FZR1: variants seen among roughly 807,000 people sequenced by gnomAD.
FZR1 encodes fizzy and cell division cycle 20 related 1.
A neutral mutation model predicts 63.6 loss-of-function variants in FZR1; 11 were observed. The observed-to-expected ratio is 0.17, with a 90% CI of 0.11 to 0.29. The LOEUF (loss-of-function observed/expected upper bound fraction) is 0.29, where lower values mean the gene tolerates loss of function less well. Among genes scored for constraint, FZR1 ranks in the 10% least tolerant of loss-of-function variants. FZR1 has a pLI of 1.00. For missense variants in FZR1, 440 were observed against 687.5 expected, an observed-to-expected ratio of 0.64 and a Z score of 4.03; for synonymous variants, 328 against 297.9, an observed-to-expected ratio of 1.10 and a Z score of -1.04.
intron 12 of FZR1, among the ~76,000 whole-genome samples, chr19:3,534,049 C>T (rs1332211736): frequency 6.7e-6 from 1 of 149,014 alleles, no homozygotes; most frequent in Non-Finnish European, 1.5e-5. Context: ...ATAGCAAGAC[C>T]CCATCTCTAC....
chr19:3,524,537 G>A (rs1478177665), intron 2 of FZR1, among the ~76,000 whole-genome samples: 3 of 152,228 alleles, frequency 2.0e-5, no homozygotes, highest in Non-Finnish European at 4.4e-5. Flanking sequence ...CAGGCTGGGG[G>A]CAGGGAGATG....
Position 3,526,405 on chromosome 19 carries a change from C to A in FZR1, c.387+19C>A, listed in dbSNP as rs1168000926. The stretch of plus-strand genomic sequence containing the variant: ...GTTCACGGTAAGCCTGCGGCACCCC[C>A]CACCCGGGAGCTGGCTCCCAGTGCA... On this transcript the variant is annotated intron_variant, in intron 5 of 13. Transcript: ENST00000441788. The surrounding 1 kb of genome is among the most constrained non-coding windows in gnomAD (Gnocchi z 5.4). 4 of 1,550,450 alleles carry A rather than the reference C, an allele frequency of 2.6e-6. No homozygotes were observed. Among genetic ancestry groups the A allele is most frequent in the Non-Finnish European group, 3.5e-6 (4 of 1,146,984 alleles).
In FZR1 at chr19:3,514,514, A is replaced by G. The variant is rs1599773532; in HGVS notation, c.-35+8040A>G. Among the ~76,000 whole-genome samples, 4 of 151,878 alleles carry G rather than the reference A, an allele frequency of 2.6e-5. No homozygotes were observed. In the South Asian group the frequency reaches 8.3e-4, roughly 32 times the overall value. On this transcript the variant is annotated intron_variant, in intron 1 of 13. Coordinates refer to ENST00000441788, the MANE Select transcript of FZR1 (RefSeq NM_016263.4). This position sits in a 1 kb window ranked among gnomAD's most constrained non-coding sequence, Gnocchi z 4.2. The stretch of plus-strand genomic sequence containing the variant: ...CAGATGTCCCCAGACATCACCATAT[A>G]TCATACCCTGGGGGCAGAATCACCC...
intron 1 of FZR1, among the ~76,000 whole-genome samples, chr19:3,506,860 C>G (rs2082987476): frequency 6.6e-6 from 1 of 152,182 alleles, no homozygotes. Context: ...ACCCCGCCTC[C>G]TAACCCGGGT....
chr19:3,522,018 G>A (rs1033690858), intron 1 of FZR1, among the ~76,000 whole-genome samples: 8 of 152,236 alleles, frequency 5.3e-5, no homozygotes, highest in Middle Eastern at 3.4e-3. Flanking sequence ...CACCACACTT[G>A]AGCCCAGGAG....
At position 3,533,587 on chromosome 19, in the gene FZR1, C is replaced by T. The variant is rs1199191117; in HGVS notation, c.1347+189C>T. 3.4e-6 allele frequency: 2 copies of T among 585,424 alleles called. No homozygotes were observed. The highest frequency in any genetic ancestry group is 1.9e-5 in the African/African-American group (1 of 53,574). 36.3% of individuals were successfully genotyped at this position (585,424 alleles called of 1,614,324 possible). A position where few individuals can be genotyped will look rare whatever the true frequency, so the allele number is the denominator to read the frequency against. Reference sequence around the variant, plus strand: ...TTGCCAGCGTTGGAATGGGCTCTACCGAACTCCCCAGCCCTGCAGGTGCAG... The same window carrying T: ...TTGCCAGCGTTGGAATGGGCTCTACTGAACTCCCCAGCCCTGCAGGTGCAG... On this transcript the variant is annotated intron_variant, in intron 12 of 13. Transcript: ENST00000441788. This position sits in a 1 kb window ranked among gnomAD's most constrained non-coding sequence, Gnocchi z 4.9.
intron 2 of FZR1, 108 bp downstream of exon 2, chr19:3,523,166 C>A: frequency 1.3e-6 from 1 of 781,428 alleles, no homozygotes. Flanking sequence ...CCACGGACCA[C>A]TCAGGTCCCA....
At chr19:3,506,756 C>T (rs1021648663) in intron 1 of FZR1, among the ~76,000 whole-genome samples, 3 of 152,184 alleles carry the variant, frequency 2.0e-5, no homozygotes, top group Admixed American at 6.5e-5. Flanking sequence ...GTGACCTCCC[C>T]GCAGCCGCCG....
rs1181483261 is a variant in FZR1, at chr19:3,526,943, G to A, written c.388-37G>A. ...GGGGGCTCTGAGGGTCCTGCGGCCTGGGCGTGCGCTCAGCTGGCATGTCCC... is the reference window on the plus strand; with the variant it reads ...GGGGGCTCTGAGGGTCCTGCGGCCTAGGCGTGCGCTCAGCTGGCATGTCCC... On this transcript the variant is annotated intron_variant, in intron 5 of 13. Transcript: ENST00000441788. This position sits in a 1 kb window ranked among gnomAD's most constrained non-coding sequence, Gnocchi z 5.4. 1.1e-5 allele frequency: 17 copies of A among 1,484,398 alleles called. No homozygotes were observed. The highest frequency in any genetic ancestry group is 1.7e-5 in the Admixed American group (1 of 59,808). The allele number at this position is 1,484,398 out of a possible 1,614,324, so 92.0% of individuals were successfully genotyped here.
At position 3,533,119 on chromosome 19, in the gene FZR1, A is replaced by G. The variant is rs1352387445; in HGVS notation, c.1243-175A>G. 2.0e-5 allele frequency among the ~76,000 whole-genome samples: 3 copies of G among 151,820 alleles called. No individual in the cohort carries two copies. Among genetic ancestry groups the G allele is most frequent in the Non-Finnish European group, 4.4e-5 (3 of 67,928 alleles). ...GTGGAGGGGTCCACCTGTGGCCTCC[A>G]CACCTCCTAGACAGACTCAGGTGGC... On this transcript the variant is annotated intron_variant, in intron 11 of 13. Transcript: ENST00000441788. This position sits in a 1 kb window ranked among gnomAD's most constrained non-coding sequence, Gnocchi z 4.9.
chr19:3,526,401 C>A lies in FZR1; in HGVS notation c.387+15C>A. The A allele has an allele frequency of 5.8e-6, 9 of 1,551,068 alleles. No homozygotes were observed. The highest frequency in any genetic ancestry group is 7.9e-6 in the Non-Finnish European group (9 of 1,146,364). On this transcript the variant is annotated intron_variant, in intron 5 of 13. Transcript: ENST00000441788. The surrounding 1 kb of genome is among the most constrained non-coding windows in gnomAD (Gnocchi z 5.4). ...GTCTGTTCACGGTAAGCCTGCGGCACCCCCCACCCGGGAGCTGGCTCCCAG... is the reference window on the plus strand; with the variant it reads ...GTCTGTTCACGGTAAGCCTGCGGCAACCCCCACCCGGGAGCTGGCTCCCAG...
chr19:3,510,154 T>C (rs1008543092), intron 1 of FZR1, among the ~76,000 whole-genome samples: 2 of 152,190 alleles, frequency 1.3e-5, no homozygotes, highest in Non-Finnish European at 2.9e-5. Flanking sequence ...TTTTCCTTTT[T>C]GAGATGGAGT....
chr19:3,512,388 A>T (rs1423708444), intron 1 of FZR1, among the ~76,000 whole-genome samples: 1 of 152,196 alleles, frequency 6.6e-6, no homozygotes, highest in East Asian at 1.9e-4. Flanking sequence ...CTAGGCAGGC[A>T]GTGTTGTCCC....
At position 3,533,585 on chromosome 19, in the gene FZR1, A is replaced by G; in HGVS notation, c.1347+187A>G. On this transcript the variant is annotated intron_variant, in intron 12 of 13. Transcript: ENST00000441788. This position sits in a 1 kb window ranked among gnomAD's most constrained non-coding sequence, Gnocchi z 4.9. ...TGTTGCCAGCGTTGGAATGGGCTCT[A>G]CCGAACTCCCCAGCCCTGCAGGTGC... 3 of 584,642 alleles carry G rather than the reference A, an allele frequency of 5.1e-6. No homozygotes were observed. The highest frequency in any genetic ancestry group is 3.9e-4 in the Middle Eastern group (1 of 2,534). 36.2% of individuals were successfully genotyped at this position (584,642 alleles called of 1,614,324 possible). A position where few individuals can be genotyped will look rare whatever the true frequency, so the allele number is the denominator to read the frequency against.
At chr19:3,508,131 G>C (rs908991439) in intron 1 of FZR1, among the ~76,000 whole-genome samples, 1 of 151,918 alleles carries the variant, frequency 6.6e-6, no homozygotes, top group East Asian at 1.9e-4. Context: ...GGGGCTTTGG[G>C]GTTTGGAGGA....
In FZR1 at chr19:3,526,113, C is replaced by T; in HGVS notation, c.196-7C>T. The T allele has an allele frequency of 1.2e-6, 2 of 1,612,800 alleles. No individual in the cohort carries two copies. Among genetic ancestry groups the T allele is most frequent in the South Asian group, 1.1e-5 (1 of 91,080 alleles). On this transcript the variant is annotated splice_polypyrimidine_tract_variant and splice_region_variant and intron_variant, in intron 3 of 13. Coordinates refer to ENST00000441788, the MANE Select transcript of FZR1 (RefSeq NM_016263.4). This position sits in a 1 kb window ranked among gnomAD's most constrained non-coding sequence, Gnocchi z 5.4. ...CGACCCCTCCCTCTCTGCTCTCCTGCCTGCAGGAGAATGAGAAGTCTCCCA... is the reference window on the plus strand; with the variant it reads ...CGACCCCTCCCTCTCTGCTCTCCTGTCTGCAGGAGAATGAGAAGTCTCCCA...
chr19:3,517,989 A>G (rs1043644409), intron 1 of FZR1, among the ~76,000 whole-genome samples: 4 of 145,166 alleles, frequency 2.8e-5, no homozygotes, highest in African/African-American at 7.7e-5. Context: ...GTATGCCACC[A>G]CACCCAGCTA....
chr19:3,524,830 C>A (rs983369687), intron 2 of FZR1, among the ~76,000 whole-genome samples: 8 of 152,122 alleles, frequency 5.3e-5, no homozygotes, highest in African/African-American at 1.7e-4. Context: ...TCTCTGTGTC[C>A]GTGTTTTCCT....
At chr19:3,529,127 CGG>C (rs1568237440) in intron 7 of FZR1, among the ~76,000 whole-genome samples, 1 of 99,488 alleles carries the variant, frequency 1.0e-5, no homozygotes, top group African/African-American at 4.2e-5. Flanking sequence ...GATGGGAGAG[CGG>C]ATGGGAGAGC....
Sources: allele counts gnomAD v4.1 joint callset (sites outside exome capture counted in the v4.1 genomes callset), GRCh38; gene constraint gnomAD v4.1.1; non-coding constraint Gnocchi (gnomAD v3.1); transcripts MANE v1.5; gene names NCBI Gene and HGNC (gene_info 2026-07-23, HGNC 2026-07-21).